Variants in SEMA3F observed in about 807,000 individuals in gnomAD.
SEMA3F encodes the protein semaphorin 3F.
A neutral mutation model predicts 98.5 loss-of-function variants in SEMA3F; 30 were observed. That is an observed-to-expected ratio of 0.30 (90% CI 0.23 to 0.41). The LOEUF (loss-of-function observed/expected upper bound fraction) is 0.41. SEMA3F is among the 10% of genes least tolerant of loss of function. The pLI, the probability that SEMA3F is intolerant of heterozygous loss-of-function variation, is 1.00. For missense variants in SEMA3F, 866 were observed against 1,119.3 expected, an observed-to-expected ratio of 0.77 and a Z score of 3.23; for synonymous variants, 380 against 444.8, an observed-to-expected ratio of 0.85 and a Z score of 1.83.
At chr3:50,160,393 GGGCTGGGGTCTGCAGAGTGAGA>G (rs1698159505) in intron 2 of SEMA3F, among the ~76,000 whole-genome samples, 1 of 152,216 alleles carries the variant, frequency 6.6e-6, no homozygotes, top group African/African-American at 2.4e-5. Flanking sequence ...TTTCAGTGAT[GGGCTGGGGTCTGCAGAGTGAGA>G]GGCTGGTCGC....
intron 5 of SEMA3F, among the ~76,000 whole-genome samples, chr3:50,174,610 A>AC (rs1698739565): frequency 6.6e-6 from 1 of 152,246 alleles, no homozygotes; most frequent in African/African-American, 2.4e-5. Context: ...GGCACATAGT[A>AC]AGCACTTGCT....
chr3:50,162,684 G>T (rs948863238), intron 2 of SEMA3F, among the ~76,000 whole-genome samples: 6 of 152,188 alleles, frequency 3.9e-5, no homozygotes, highest in African/African-American at 1.4e-4. Context: ...CAGGCCCTTT[G>T]TTCAGCCTGG....
chr3:50,180,398 C>A (rs1428766917), intron 7 of SEMA3F, among the ~76,000 whole-genome samples: 2 of 152,074 alleles, frequency 1.3e-5, no homozygotes, highest in African/African-American at 4.8e-5. Context: ...CTCAAGTGAT[C>A]CCCTGCCTCA....
At chr3:50,161,637 A>T (rs1368758915) in intron 2 of SEMA3F, among the ~76,000 whole-genome samples, 1 of 152,108 alleles carries the variant, frequency 6.6e-6, no homozygotes, top group Non-Finnish European at 1.5e-5. Context: ...CCCTGTTCCG[A>T]CCTGGTCTCG....
chr3:50,182,741 G>T lies in SEMA3F; in HGVS notation c.861G>T (p.Pro287=). The T allele has an allele frequency of 1.2e-6, 2 of 1,613,232 alleles. No individual in the cohort carries two copies. Among genetic ancestry groups the T allele is most frequent in the South Asian group, 2.2e-5 (2 of 91,082 alleles). ...FFFRERSAEA[P]QSPAVYARIG... ...TCCGTGAGCGGTCGGCAGAGGCGCC[G>T]CAGAGCCCCGCGGTGTACGCCCGCA... is the stretch of plus-strand genomic sequence containing the variant. Residue 287 remains proline (P), a synonymous_variant, in exon 9 of 19, where the codon CCG becomes CCT. Transcript: ENST00000002829. The surrounding 1 kb of genome is among the most constrained non-coding windows in gnomAD (Gnocchi z 4.5).
chr3:50,186,210 G>T, intron 16 of SEMA3F, 71 bp from the exon 17 acceptor site: 2 of 1,540,942 alleles, frequency 1.3e-6, no homozygotes, highest in South Asian at 2.3e-5. Flanking sequence ...CTGCCCTGGA[G>T]TCAGGGAGAT....
intron 2 of SEMA3F, among the ~76,000 whole-genome samples, chr3:50,160,408 GA>G (rs1575374359): frequency 1.3e-5 from 2 of 152,230 alleles, no homozygotes; most frequent in African/African-American, 2.4e-5. Context: ...GGGGTCTGCA[GA>G]GTGAGAGGCT....
chr3:50,186,593 C>G lies in SEMA3F; in HGVS notation c.1814-20C>G. The stretch of plus-strand genomic sequence containing the variant: ...GCCCGGAGGTGATGCTGCTTTTGCT[C>G]AACCCCTCTCACTCTAAAGCCAACA... On this transcript the variant is annotated intron_variant, in intron 17 of 18. Transcript: ENST00000002829. 1 of 1,578,046 alleles carries G rather than the reference C, an allele frequency of 6.3e-7. No individual in the cohort carries two copies. Among genetic ancestry groups the G allele is most frequent in the Non-Finnish European group, 8.7e-7 (1 of 1,154,644 alleles).
Position 50,156,130 on chromosome 3 carries a change from G to T in SEMA3F, c.-49+566G>T. On this transcript the variant is annotated intron_variant, in intron 1 of 18. Coordinates refer to ENST00000002829, the MANE Select transcript of SEMA3F (RefSeq NM_004186.5). This position sits in a 1 kb window ranked among gnomAD's most constrained non-coding sequence, Gnocchi z 4.5. ...CCCCTTGACCCCCAGCTGCCACCTT[G>T]GGTTTGCTTTTACAGCAGAGTCCTG... 1 of 152,590 alleles carries T rather than the reference G, an allele frequency of 6.6e-6. No homozygotes were observed. The highest frequency in any genetic ancestry group is 1.5e-5 in the Non-Finnish European group (1 of 68,220). The allele number at this position is 152,590 out of a possible 1,614,324, so 9.5% of individuals were successfully genotyped here. A position where few individuals can be genotyped will look rare whatever the true frequency, so the allele number is the denominator to read the frequency against.
At chr3:50,155,194 G>A, upstream of SEMA3F, 1 of 345,308 alleles carries the variant, frequency 2.9e-6, no homozygotes, top group East Asian at 4.4e-5. The surrounding 1 kb of genome is among the most constrained non-coding windows in gnomAD (Gnocchi z 4.9). Context: ...CCCGGCCCGG[G>A]TCCAGCAGCC....
intron 12 of SEMA3F, 101 bp downstream of exon 12, chr3:50,183,665 G>A (rs1575406841): frequency 7.7e-7 from 1 of 1,292,102 alleles, no homozygotes; most frequent in East Asian, 2.3e-5. Flanking sequence ...GGCCCTCCCA[G>A]CCAGCGGAGG....
chr3:50,185,965 G>C lies in SEMA3F; in HGVS notation c.1664G>C (p.Cys555Ser). The change falls in exon 16 of 19, where the codon TGT becomes TCT. Residue 555 changes from cysteine to serine, a missense_variant. Cys to Ser is a moderately radical substitution (Grantham distance 112). Around this residue, in one of 3 missense-constraint regions of SEMA3F, gnomAD observed 374 missense variants for 582.8 expected, o/e 0.64. Transcript: ENST00000002829. ...LHRCQAYGAA[C>S]ADCCLARDPY... ...CGCTGCCAGGCGTATGGGGCTGCCT[G>C]TGCTGACTGCTGCCTTGCCCGGGAC... 6.2e-7 allele frequency: 1 copy of C among 1,614,104 alleles called. No homozygotes were observed. The highest frequency in any genetic ancestry group is 8.5e-7 in the Non-Finnish European group (1 of 1,180,010).
Position 50,188,174 on chromosome 3 carries a change from G to GATATATATATATATAT in SEMA3F, c.*69_*84dup, listed in dbSNP as rs59949761. 1.0e-5 allele frequency: 3 copies of GATATATATATATATAT among 299,264 alleles called. No homozygotes were observed. Among genetic ancestry groups the GATATATATATATATAT allele is most frequent in the East Asian group, 7.4e-5 (1 of 13,544 alleles). The allele number at this position is 299,264 out of a possible 1,614,324, so 18.5% of individuals were successfully genotyped here. A position where few individuals can be genotyped will look rare whatever the true frequency, so the allele number is the denominator to read the frequency against. Reference sequence around the variant, plus strand: ...AGCCCTTGTCCCTTTTAATATAAAAGATATATATATATATATATATATATA... The same window carrying GATATATATATATATAT: ...AGCCCTTGTCCCTTTTAATATAAAAGATATATATATATATATATATATATATATATATATATATATA... On this transcript the variant is annotated 3_prime_UTR_variant, in exon 19 of 19. Coordinates refer to ENST00000002829, the MANE Select transcript of SEMA3F (RefSeq NM_004186.5). The surrounding 1 kb of genome is among the most constrained non-coding windows in gnomAD (Gnocchi z 4.5).
Position 50,182,275 on chromosome 3 carries a change from T to C in SEMA3F, c.644-9T>C, listed in dbSNP as rs1212495399. The C allele has an allele frequency of 1.9e-6, 3 of 1,614,078 alleles. No homozygotes were observed. The Middle Eastern group carries it at 5.0e-4, about 266-fold the overall frequency. On this transcript the variant is annotated splice_polypyrimidine_tract_variant and intron_variant, in intron 7 of 18. Transcript: ENST00000002829. This position sits in a 1 kb window ranked among gnomAD's most constrained non-coding sequence, Gnocchi z 4.5. ...CAGCCCCCCAACTGACCCACTGGCCTACCCACAGATGAGGAGCTCTATGCT... is the reference window on the plus strand; with the variant it reads ...CAGCCCCCCAACTGACCCACTGGCCCACCCACAGATGAGGAGCTCTATGCT...
Position 50,185,909 on chromosome 3 carries a change from A to T in SEMA3F, c.1608A>T (p.Ser536=). 2 of 1,612,824 alleles carry T rather than the reference A, an allele frequency of 1.2e-6. No individual in the cohort carries two copies. Among genetic ancestry groups the T allele is most frequent in the Non-Finnish European group, 8.5e-7 (1 of 1,179,126 alleles). ...SSKRQQLYVA[S]AVGVTHLSLH... is the part of the protein sequence containing the mutation. ...CCCAGCAACAACTCTACGTGGCGTCAGCCGTGGGTGTCACACACCTGAGCC... is the reference window on the plus strand; with the variant it reads ...CCCAGCAACAACTCTACGTGGCGTCTGCCGTGGGTGTCACACACCTGAGCC... The change falls in exon 16 of 19, where the codon TCA becomes TCT. Residue 536 remains serine (S), a synonymous_variant. Coordinates refer to ENST00000002829, the MANE Select transcript of SEMA3F (RefSeq NM_004186.5).
chr3:50,172,576 C>A (rs961080275), intron 2 of SEMA3F, among the ~76,000 whole-genome samples: 1 of 152,186 alleles, frequency 6.6e-6, no homozygotes, highest in African/African-American at 2.4e-5. Context: ...CAGTTGAACC[C>A]TGCCTTTAGC....
intron 2 of SEMA3F, among the ~76,000 whole-genome samples, chr3:50,167,393 C>T (rs1046430566): frequency 3.9e-5 from 6 of 152,168 alleles, no homozygotes; most frequent in East Asian, 1.9e-4. Context: ...CCCTGGTTCC[C>T]GGCTGGCGAG....
chr3:50,171,433 T>C (rs1698597663), intron 2 of SEMA3F, among the ~76,000 whole-genome samples: 1 of 152,084 alleles, frequency 6.6e-6, no homozygotes, highest in African/African-American at 2.4e-5. Context: ...TCCTGGGGGC[T>C]TAATGGCTGA....
chr3:50,186,655 G>A lies in SEMA3F; in HGVS notation c.1856G>A (p.Gly619Asp), dbSNP rs1477123633. 1 of 1,608,138 alleles carries A rather than the reference G, an allele frequency of 6.2e-7. No individual in the cohort carries two copies. ...AVESVQYGVAGSAAFLECQPR... is the reference protein window; with the variant it reads ...AVESVQYGVADSAAFLECQPR... ...GAGTCTGTGCAGTATGGCGTGGCCG[G>A]CAGCGCAGCCTTCCTTGAGTGCCAG... The change falls in exon 18 of 19, where the codon GGC (glycine) becomes GAC (aspartate). Residue 619 changes from glycine (G) to aspartate (D), a missense_variant. Transcript: ENST00000002829.
Sources: allele counts gnomAD v4.1 joint callset (sites outside exome capture counted in the v4.1 genomes callset), GRCh38; gene constraint gnomAD v4.1.1; regional missense constraint gnomAD v4.1.1; non-coding constraint Gnocchi (gnomAD v3.1); transcripts MANE v1.5; gene names NCBI Gene and HGNC (gene_info 2026-07-23, HGNC 2026-07-21).